Variants in FBXL20 observed in about 807,000 individuals in gnomAD.
FBXL20 encodes the protein F-box/LRR-repeat protein 20.
A neutral mutation model predicts 64.0 loss-of-function variants in FBXL20; 11 were observed. The observed-to-expected ratio is 0.17, with a 90% CI of 0.11 to 0.28. FBXL20 has a LOEUF of 0.28. Among genes scored for constraint, FBXL20 ranks in the 10% least tolerant of loss-of-function variants. The probability of loss-of-function intolerance (pLI) is 1.00; values close to 1 mark genes in which losing one functional copy is unlikely to be tolerated. For synonymous variants in FBXL20, 184 were observed against 189.0 expected, an observed-to-expected ratio of 0.97 and a Z score of 0.22; for missense variants, 303 against 526.2, an observed-to-expected ratio of 0.58 and a Z score of 4.15.
intron 11 of FBXL20, among the ~76,000 whole-genome samples, chr17:39,269,429 G>A (rs370354095): frequency 3.1e-4 from 47 of 151,624 alleles, no homozygotes; most frequent in East Asian, 1.6e-3. Flanking sequence ...TCCTGACCTC[G>A]TGATCCGCCC....
At chr17:39,300,358 G>A (rs924098013) in intron 4 of FBXL20, among the ~76,000 whole-genome samples, 1 of 152,132 alleles carries the variant, frequency 6.6e-6, no homozygotes, top group East Asian at 1.9e-4. Context: ...AAGAAGCCAT[G>A]AAGAAGCTAT....
intron 6 of FBXL20, among the ~76,000 whole-genome samples, chr17:39,296,493 G>A (rs573821217): frequency 6.9e-6 from 1 of 144,540 alleles, no homozygotes; most frequent in African/African-American, 2.6e-5. Flanking sequence ...CCAGGAGGCA[G>A]AGGTTACAGT....
chr17:39,291,989 T>C (rs574378158), intron 6 of FBXL20, among the ~76,000 whole-genome samples: 7 of 151,304 alleles, frequency 4.6e-5, no homozygotes, highest in Admixed American at 2.0e-4. Flanking sequence ...CCCAATATGA[T>C]TTTAATCCTT....
intron 6 of FBXL20, among the ~76,000 whole-genome samples, chr17:39,288,711 T>A (rs2047010512): frequency 6.6e-6 from 1 of 152,000 alleles, no homozygotes; most frequent in South Asian, 2.1e-4. Context: ...TTTAGACGCA[T>A]AATTTTTTTT....
intron 5 of FBXL20, 73 bp from the exon 6 acceptor site, chr17:39,297,268 ATAT>A (rs1168213160): frequency 1.1e-5 from 9 of 840,128 alleles, no homozygotes; most frequent in Non-Finnish European, 1.7e-5. Context: ...GTAATAAAAT[ATAT>A]TATTATTGGT....
chr17:39,364,984 G>A (rs1431761841), intron 1 of FBXL20, among the ~76,000 whole-genome samples: 6 of 152,230 alleles, frequency 3.9e-5, no homozygotes, highest in African/African-American at 1.4e-4. Context: ...GTTCTCTATT[G>A]AAGAAGTTTA....
chr17:39,307,146 G>A (rs902130795), intron 2 of FBXL20, among the ~76,000 whole-genome samples: 4 of 152,312 alleles, frequency 2.6e-5, no homozygotes, highest in Non-Finnish European at 5.9e-5. Flanking sequence ...TTGGAGGGTG[G>A]TGAGTTTCAT....
intron 10 of FBXL20, among the ~76,000 whole-genome samples, chr17:39,273,475 G>C (rs1699307063): frequency 6.6e-6 from 1 of 152,126 alleles, no homozygotes; most frequent in Admixed American, 6.5e-5. Flanking sequence ...ACACTAACTA[G>C]CTGAGACCTT....
rs548009829 is a variant in FBXL20 at position 39,333,292 on chromosome 17, C to T, written c.104+9888G>A. 2.3e-3 allele frequency among the ~76,000 whole-genome samples: 344 copies of T among 152,314 alleles called. 2 individuals carry two copies. Among genetic ancestry groups the T allele is most frequent in the African/African-American group, 7.7e-3 (322 of 41,574 alleles). On this transcript the variant is annotated intron_variant, in intron 2 of 14. Transcript: ENST00000264658. ...TGCCGAGTGCCTGGGATTGCAGGCGCGCGCCGCCACGCCTGACTGGTTTTC... is the reference window on the plus strand; with the variant it reads ...TGCCGAGTGCCTGGGATTGCAGGCGTGCGCCGCCACGCCTGACTGGTTTTC...
intron 1 of FBXL20, among the ~76,000 whole-genome samples, chr17:39,369,732 C>T (rs1175737981): frequency 6.6e-6 from 1 of 152,044 alleles, no homozygotes; most frequent in African/African-American, 2.4e-5. Flanking sequence ...GCAGGCTGGG[C>T]TCAAGCAATC....
At position 39,293,470 on chromosome 17, in the gene FBXL20, A is replaced by G. The variant is rs529282793; in HGVS notation, c.398+3657T>C. 3.8e-3 allele frequency among the ~76,000 whole-genome samples: 574 copies of G among 152,034 alleles called. 4 individuals carry two copies. Among genetic ancestry groups the G allele is most frequent in the African/African-American group, 0.013 (550 of 41,470 alleles). On this transcript the variant is annotated intron_variant, in intron 6 of 14. Coordinates refer to ENST00000264658, the MANE Select transcript of FBXL20 (RefSeq NM_032875.3). ...ACTCCTGACTTCAGGTGATCTGCCCACCTCAGCCTCCCAAAGTGCTGAAAT... is the reference window on the plus strand; with the variant it reads ...ACTCCTGACTTCAGGTGATCTGCCCGCCTCAGCCTCCCAAAGTGCTGAAAT...
chr17:39,323,442 T>C (rs2047377052), intron 2 of FBXL20, among the ~76,000 whole-genome samples: 1 of 152,164 alleles, frequency 6.6e-6, no homozygotes. Flanking sequence ...GGCAGCTTAT[T>C]AAGCAACATA....
At chr17:39,361,802 A>T (rs761650218) in intron 1 of FBXL20, among the ~76,000 whole-genome samples, 1 of 151,968 alleles carries the variant, frequency 6.6e-6, no homozygotes, top group Non-Finnish European at 1.5e-5. Context: ...GTCTCAAAAA[A>T]AAATGCTTTC....
intron 1 of FBXL20, among the ~76,000 whole-genome samples, chr17:39,370,501 A>AT (rs1491250408): frequency 2.1e-5 from 3 of 139,864 alleles, no homozygotes; most frequent in African/African-American, 5.0e-5. Context: ...AAAAAAAAAA[A>AT]GAAGGCCGGG....
At chr17:39,362,781 T>TA (rs2047811123) in intron 1 of FBXL20, among the ~76,000 whole-genome samples, 1 of 150,526 alleles carries the variant, frequency 6.6e-6, no homozygotes, top group African/African-American at 2.4e-5. Context: ...CACACCCAGC[T>TA]AGTTTTTTTG....
At chr17:39,295,369 C>T (rs1567867709) in intron 6 of FBXL20, among the ~76,000 whole-genome samples, 1 of 152,046 alleles carries the variant, frequency 6.6e-6, no homozygotes, top group Non-Finnish European at 1.5e-5. Flanking sequence ...TGGGTTCAAG[C>T]GATTCTCATG....
chr17:39,273,805 G>A (rs2046867595), intron 10 of FBXL20, among the ~76,000 whole-genome samples: 1 of 137,648 alleles, frequency 7.3e-6, no homozygotes, highest in Admixed American at 7.6e-5. Flanking sequence ...GGGCGACAGA[G>A]CAAGACTCTG....
At chr17:39,277,521 C>A (rs1182860138) in intron 9 of FBXL20, among the ~76,000 whole-genome samples, 2 of 152,016 alleles carry the variant, frequency 1.3e-5, no homozygotes, top group African/African-American at 2.4e-5. Context: ...CTTTAGAAGG[C>A]TGAGGTGGGC....
intron 2 of FBXL20, among the ~76,000 whole-genome samples, chr17:39,303,914 G>C (rs564701659): frequency 6.6e-6 from 1 of 152,090 alleles, no homozygotes; most frequent in Non-Finnish European, 1.5e-5. Context: ...TCGAACTCTT[G>C]GGCTCAAGCA....
Sources: allele counts gnomAD v4.1 joint callset (sites outside exome capture counted in the v4.1 genomes callset), GRCh38; gene constraint gnomAD v4.1.1; transcripts MANE v1.5; gene names NCBI Gene and HGNC (gene_info 2026-07-23, HGNC 2026-07-21).